Variants in FNDC3A observed in about 807,000 individuals in gnomAD.
FNDC3A encodes the protein fibronectin type-III domain-containing protein 3A.
In FNDC3A, 32 loss-of-function variants were observed where a neutral mutation model predicts 148.9. The observed-to-expected ratio is 0.21, with a 90% CI of 0.16 to 0.29. The LOEUF is 0.29. FNDC3A is among the 10% of genes least tolerant of loss of function. The probability of loss-of-function intolerance (pLI) is 1.00; values close to 1 mark genes in which losing one functional copy is unlikely to be tolerated. For synonymous variants in FNDC3A, 472 were observed against 473.6 expected, an observed-to-expected ratio of 1.00 and a Z score of 0.04; for missense variants, 1,191 against 1,452.8, an observed-to-expected ratio of 0.82 and a Z score of 2.93.
intron 3 of FNDC3A, among the ~76,000 whole-genome samples, chr13:49,076,764 A>G (rs967537769): frequency 6.6e-6 from 1 of 152,098 alleles, no homozygotes; most frequent in Non-Finnish European, 1.5e-5. Context: ...TTATTGCACC[A>G]TTCATTTACC....
chr13:49,067,649 G>T (rs1173359458), intron 2 of FNDC3A, among the ~76,000 whole-genome samples: 1 of 152,094 alleles, frequency 6.6e-6, no homozygotes, highest in East Asian at 1.9e-4. Context: ...CAGCATAAAT[G>T]GGTTAATTTA....
chr13:49,126,534 T>C (rs1218207480), intron 4 of FNDC3A, among the ~76,000 whole-genome samples: 1 of 152,202 alleles, frequency 6.6e-6, no homozygotes. Context: ...TCATAAATAA[T>C]TTAGCCATTT....
chr13:49,161,842 TA>T (rs1437103133), intron 8 of FNDC3A, among the ~76,000 whole-genome samples: 4 of 152,184 alleles, frequency 2.6e-5, no homozygotes, highest in Admixed American at 6.5e-5. Context: ...AATTTGTCTG[TA>T]AAGGATTTTA....
At chr13:49,035,720 T>C (rs1223887822) in intron 2 of FNDC3A, among the ~76,000 whole-genome samples, 1 of 152,052 alleles carries the variant, frequency 6.6e-6, no homozygotes, top group Non-Finnish European at 1.5e-5. Flanking sequence ...TATCCCCAGC[T>C]CTTCAAAGAG....
At chr13:49,164,686 G>C (rs1884357853) in intron 8 of FNDC3A, among the ~76,000 whole-genome samples, 1 of 151,482 alleles carries the variant, frequency 6.6e-6, no homozygotes, top group African/African-American at 2.4e-5. Flanking sequence ...TCGGCTCACT[G>C]CAACCTCCAC....
intron 1 of FNDC3A, among the ~76,000 whole-genome samples, chr13:49,005,883 A>T (rs940087926): frequency 6.6e-6 from 1 of 151,958 alleles, no homozygotes; most frequent in African/African-American, 2.4e-5. Flanking sequence ...AGAGACAGAC[A>T]TAGAATTTAA....
chr13:49,069,133 A>AG (rs1276676806), intron 2 of FNDC3A, among the ~76,000 whole-genome samples: 2 of 152,234 alleles, frequency 1.3e-5, no homozygotes, highest in African/African-American at 4.8e-5. Flanking sequence ...TCTTAAGTGT[A>AG]GGTATTATTA....
chr13:49,013,604 G>A (rs974937876), intron 2 of FNDC3A, among the ~76,000 whole-genome samples: 5 of 151,314 alleles, frequency 3.3e-5, no homozygotes, highest in African/African-American at 4.9e-5. Flanking sequence ...AGATGTACAC[G>A]TGTATACATG....
chr13:49,114,741 T>C lies in FNDC3A; in HGVS notation c.252+10T>C. ...TGGATATGCCCCACAGGTATGTTTTTATGCTATTTTTCTTTTCATATTTGT... is the reference window on the plus strand; with the variant it reads ...TGGATATGCCCCACAGGTATGTTTTCATGCTATTTTTCTTTTCATATTTGT... On this transcript the variant is annotated intron_variant, in intron 4 of 25. Coordinates refer to ENST00000492622, the MANE Select transcript of FNDC3A (RefSeq NM_001079673.2). The C allele has an allele frequency of 6.4e-7, 1 of 1,562,048 alleles. No individual in the cohort carries two copies. The highest frequency in any genetic ancestry group is 8.8e-7 in the Non-Finnish European group (1 of 1,132,692).
rs951142210 is a variant in FNDC3A at position 49,207,719 on chromosome 13, A to T, written c.*324A>T. ...AGAATGGATATTTTGACGAATCGGC[A>T]TGAGTGTAACAGTGATAACCTGATC... On this transcript the variant is annotated 3_prime_UTR_variant, in exon 26 of 26. Coordinates refer to ENST00000492622, the MANE Select transcript of FNDC3A (RefSeq NM_001079673.2). 1 of 241,402 alleles carries T rather than the reference A, an allele frequency of 4.1e-6. No homozygotes were observed. The highest frequency in any genetic ancestry group is 2.3e-5 in the African/African-American group (1 of 43,344). The allele number at this position is 241,402 out of a possible 1,614,324, so 15.0% of individuals were successfully genotyped here. A position where few individuals can be genotyped will look rare whatever the true frequency, so the allele number is the denominator to read the frequency against.
chr13:49,172,672 A>G (rs1467520297), intron 11 of FNDC3A, among the ~76,000 whole-genome samples: 1 of 152,146 alleles, frequency 6.6e-6, no homozygotes, highest in Non-Finnish European at 1.5e-5. Flanking sequence ...TTTTTTAGGA[A>G]CACTTATGAT....
intron 3 of FNDC3A, among the ~76,000 whole-genome samples, chr13:49,084,700 T>C (rs919599406): frequency 2.0e-5 from 3 of 152,018 alleles, no homozygotes; most frequent in African/African-American, 4.8e-5. Flanking sequence ...ACTACTAGAG[T>C]GTGTTGATTG....
intron 24 of FNDC3A, among the ~76,000 whole-genome samples, chr13:49,202,310 G>GA (rs1405099738): frequency 4.6e-5 from 7 of 152,182 alleles, no homozygotes; most frequent in Non-Finnish European, 8.8e-5. Flanking sequence ...TTGAGTTATT[G>GA]ATATTACATT....
intron 2 of FNDC3A, among the ~76,000 whole-genome samples, chr13:49,060,117 A>G (rs754783980): frequency 2.0e-5 from 3 of 152,230 alleles, no homozygotes; most frequent in Non-Finnish European, 4.4e-5. Flanking sequence ...AAAGTTAAAC[A>G]TAAGAATTAC....
At chr13:49,085,791 CAG>C (rs943440829) in intron 3 of FNDC3A, among the ~76,000 whole-genome samples, 23 of 151,762 alleles carry the variant, frequency 1.5e-4, no homozygotes, top group Non-Finnish European at 1.2e-4. Flanking sequence ...TAAAAGAAAA[CAG>C]AGTTTAGCTT....
intron 1 of FNDC3A, among the ~76,000 whole-genome samples, chr13:48,983,189 A>AT (rs1798017790): frequency 6.6e-6 from 1 of 152,224 alleles, no homozygotes; most frequent in African/African-American, 2.4e-5. Context: ...ATAAATACAT[A>AT]TTTTTAAATA....
intron 2 of FNDC3A, among the ~76,000 whole-genome samples, chr13:49,019,360 A>G (rs1382978727): frequency 5.3e-5 from 8 of 152,126 alleles, no homozygotes; most frequent in African/African-American, 1.9e-4. Context: ...GAGTGACCCA[A>G]TTTTCCAGGT....
In FNDC3A at chr13:49,207,230, C is replaced by G; in HGVS notation, c.3432C>G (p.Ile1144Met). 6.2e-7 allele frequency: 1 copy of G among 1,614,190 alleles called. No homozygotes were observed. The highest frequency in any genetic ancestry group is 8.5e-7 in the Non-Finnish European group (1 of 1,180,014). The change falls in exon 26 of 26, where the codon ATC becomes ATG. Residue 1144 changes from isoleucine (I) to methionine (M), a missense_variant. By Grantham distance (10) the Ile-to-Met change is conservative. This residue lies in a region of FNDC3A where 751 missense variants were observed against 944.0 expected (regional missense o/e 0.80). Coordinates refer to ENST00000492622, the MANE Select transcript of FNDC3A (RefSeq NM_001079673.2). Reference protein sequence around the residue: ...VGPYSTTVLFISQRTEPPAST... With the variant: ...VGPYSTTVLFMSQRTEPPAST... ...CCTACAGCACCACAGTGCTCTTCAT[C>G]TCTCAGAGGACTGAACCACCAGCCA...
At chr13:49,144,384 T>TA (rs1309403495) in intron 7 of FNDC3A, among the ~76,000 whole-genome samples, 3 of 152,194 alleles carry the variant, frequency 2.0e-5, no homozygotes, top group African/African-American at 7.2e-5. Flanking sequence ...TAGTTTTTTT[T>TA]ATTCAGACTT....
Sources: allele counts gnomAD v4.1 joint callset (sites outside exome capture counted in the v4.1 genomes callset), GRCh38; gene constraint gnomAD v4.1.1; regional missense constraint gnomAD v4.1.1; transcripts MANE v1.5; gene names NCBI Gene and HGNC (gene_info 2026-07-23, HGNC 2026-07-21).